The following CHML variants were observed in gnomAD, a reference collection of about 807,000 sequenced individuals.
CHML encodes CHM like Rab escort protein, also known as rab proteins geranylgeranyltransferase component A 2.
Under a neutral mutation model 30.4 loss-of-function variants are expected in CHML, and 20 were observed. That is an observed-to-expected ratio of 0.66 (90% CI 0.46 to 0.95). The LOEUF (loss-of-function observed/expected upper bound fraction) is 0.95, where lower values mean the gene tolerates loss of function less well. CHML is among the 40% of genes least tolerant of loss of function. The probability of loss-of-function intolerance (pLI) is 0.00; values close to 1 mark genes in which losing one functional copy is unlikely to be tolerated. For synonymous variants in CHML, 281 were observed against 275.0 expected (o/e 1.02, Z -0.22); for missense variants, 795 against 768.5 (o/e 1.03, Z -0.41).
Position 241,635,693 on chromosome 1 carries a change from G to C in CHML, c.74C>G (p.Ala25Gly). 1 of 1,613,996 alleles carries C rather than the reference G, an allele frequency of 6.2e-7. No homozygotes were observed. Among genetic ancestry groups the C allele is most frequent in the African/African-American group, 1.3e-5 (1 of 75,030 alleles). Residue 25 changes from alanine to glycine, a missense_variant, in exon 2 of 2, where the codon GCT becomes GGT. Ala to Gly is a moderately conservative substitution (Grantham distance 60, BLOSUM62 0). Coordinates refer to ENST00000366553, the MANE Select transcript of CHML (RefSeq NM_001381853.1). ...CCTCTGACCACTTCTTGAACATGCA[G>C]CTGCAAGGATGGATTCGGGCAAACC... ...GTGLPESILA[A>G]ACSRSGQRVL...
chr1:241,637,495 C>A (rs1664943030), intron 1 of CHML, among the ~76,000 whole-genome samples: 1 of 152,210 alleles, frequency 6.6e-6, no homozygotes, highest in Admixed American at 6.5e-5. Context: ...CTTCTTCCAG[C>A]AGGGTGTGAA....
At position 241,640,222 on chromosome 1, in the gene CHML, G is replaced by A; in HGVS notation, c.-648C>T. 7.5e-7 allele frequency: 1 copy of A among 1,330,506 alleles called. No individual in the cohort carries two copies. Among genetic ancestry groups the A allele is most frequent in the Non-Finnish European group, 9.5e-7 (1 of 1,047,948 alleles). The allele number at this position is 1,330,506 out of a possible 1,614,324, so 82.4% of individuals were successfully genotyped here. ...CCGCGGCCCCGCCGCCGTCCCAGTA[G>A]CCGTGGCCGCCGCTGCGGTTCCCCG... On this transcript the variant is annotated 5_prime_UTR_variant, in exon 1 of 2. Coordinates refer to ENST00000366553, the MANE Select transcript of CHML (RefSeq NM_001381853.1).
chr1:241,640,262 C>G lies in CHML; in HGVS notation c.-688G>C, dbSNP rs1358719434. On this transcript the variant is annotated 5_prime_UTR_variant, in exon 1 of 2. Coordinates refer to ENST00000366553, the MANE Select transcript of CHML (RefSeq NM_001381853.1). ...GCGGTTCCCCGAGTACATGGCCCGG[C>G]GCCGGCGCGCCTGGCGGGCGGAGGC... 11 of 1,196,998 alleles carry G rather than the reference C, an allele frequency of 9.2e-6. No homozygotes were observed. Among genetic ancestry groups the G allele is most frequent in the Non-Finnish European group, 2.1e-6 (2 of 967,708 alleles). The allele number at this position is 1,196,998 out of a possible 1,614,324, so 74.1% of individuals were successfully genotyped here. A position where few individuals can be genotyped will look rare whatever the true frequency, so the allele number is the denominator to read the frequency against.
rs1438868573 is a variant in CHML, at chr1:241,631,761, C to T, written c.*2035G>A. ...TCTAAAATATGTTTGTTTAGTTCATCTTATCTTCACATTTCTCTGATTCAA... is the reference window on the plus strand; with the variant it reads ...TCTAAAATATGTTTGTTTAGTTCATTTTATCTTCACATTTCTCTGATTCAA... On this transcript the variant is annotated 3_prime_UTR_variant, in exon 2 of 2. Coordinates refer to ENST00000366553, the MANE Select transcript of CHML (RefSeq NM_001381853.1). 6.6e-6 allele frequency: 1 copy of T among 152,102 alleles called. No individual in the cohort carries two copies. The highest frequency in any genetic ancestry group is 1.5e-5 in the Non-Finnish European group (1 of 67,982). 9.4% of individuals were successfully genotyped at this position (152,102 alleles called of 1,614,324 possible). A position where few individuals can be genotyped will look rare whatever the true frequency, so the allele number is the denominator to read the frequency against.
rs778999435 is a variant in CHML at position 241,634,294 on chromosome 1, G to A, written c.1473C>T (p.Val491=). The A allele has an allele frequency of 6.2e-7, 1 of 1,613,902 alleles. No homozygotes were observed. The highest frequency in any genetic ancestry group is 8.5e-7 in the Non-Finnish European group (1 of 1,179,904). The change falls in exon 2 of 2, where the codon GTC becomes GTT. Residue 491 remains valine, a synonymous_variant. Coordinates refer to ENST00000366553, the MANE Select transcript of CHML (RefSeq NM_001381853.1). ...PAEPGACAVR[V]TELCSSTMTC... ...TCATGGTTGAAGAACATAATTCTGT[G>A]ACCCGTACAGCACAAGCTCCTGGCT...
chr1:241,638,206 G>A (rs1408110767), intron 1 of CHML, among the ~76,000 whole-genome samples: 2 of 152,062 alleles, frequency 1.3e-5, no homozygotes, highest in Admixed American at 6.6e-5. Context: ...GCAGCCCTCA[G>A]GCAAAAATCT....
Position 241,634,929 on chromosome 1 carries a change from T to G in CHML, c.838A>C (p.Arg280=). ...TCCTTGCTATTAAAGACATCTGCTC[T>G]GGAACAAGGAACTTGTTCTACCTTT... is the stretch of plus-strand genomic sequence containing the variant. ...EGKVEQVPCS[R]ADVFNSKELT... is the part of the protein sequence containing the mutation. The change falls in exon 2 of 2, where the codon AGA becomes CGA. Residue 280 remains arginine, a synonymous_variant. Transcript: ENST00000366553. 2 of 1,612,870 alleles carry G rather than the reference T, an allele frequency of 1.2e-6. No homozygotes were observed. The highest frequency in any genetic ancestry group is 1.7e-6 in the Non-Finnish European group (2 of 1,179,606).
rs1664595048 is a variant in CHML, at chr1:241,630,635, A to T, written c.*3161T>A. 6.6e-6 allele frequency: 1 copy of T among 152,058 alleles called. No homozygotes were observed. Among genetic ancestry groups the T allele is most frequent in the Non-Finnish European group, 1.5e-5 (1 of 67,932 alleles). The allele number at this position is 152,058 out of a possible 1,614,324, so 9.4% of individuals were successfully genotyped here. ...TGCAATGACAGGTCTCTTTAACCAT[A>T]TATAAAAATAGTGCCAACACTGTTT... On this transcript the variant is annotated 3_prime_UTR_variant, in exon 2 of 2. Coordinates refer to ENST00000366553, the MANE Select transcript of CHML (RefSeq NM_001381853.1).
In CHML at chr1:241,635,663, A is replaced by C; in HGVS notation, c.104T>G (p.Leu35Arg). ...ATAGTAGCTTCTTGAATCAATATGC[A>C]GAACCCTCTGACCACTTCTTGAACA... ...AACSRSGQRV[L>R]HIDSRSYYGG... The change falls in exon 2 of 2, where the codon CTG (leucine) becomes CGG (arginine). Residue 35 changes from leucine (L) to arginine (R), a missense_variant. Physicochemically the swap from Leu to Arg is moderately radical, Grantham distance 102. Coordinates refer to ENST00000366553, the MANE Select transcript of CHML (RefSeq NM_001381853.1). 1.2e-6 allele frequency: 2 copies of C among 1,614,094 alleles called. No individual in the cohort carries two copies. Among genetic ancestry groups the C allele is most frequent in the Non-Finnish European group, 1.7e-6 (2 of 1,179,930 alleles).
chr1:241,640,009 G>A lies in CHML; in HGVS notation c.-435C>T, dbSNP rs373057102. The A allele has an allele frequency of 1.4e-5, 22 of 1,613,364 alleles. No individual in the cohort carries two copies. In the African/African-American group the frequency reaches 2.8e-4, roughly 21 times the overall value. ...ACACCAGCAGGTCGCTGAGGCTGAT[G>A]TTGACCAGGAGGAGGTGAGTGGGAG... On this transcript the variant is annotated 5_prime_UTR_variant, in exon 1 of 2. Transcript: ENST00000366553.
At position 241,630,638 on chromosome 1, in the gene CHML, T is replaced by TA. The variant is rs989833338; in HGVS notation, c.*3157dup. 1 of 152,058 alleles carries TA rather than the reference T, an allele frequency of 6.6e-6. No individual in the cohort carries two copies. Among genetic ancestry groups the TA allele is most frequent in the African/African-American group, 2.4e-5 (1 of 41,440 alleles). The allele number at this position is 152,058 out of a possible 1,614,324, so 9.4% of individuals were successfully genotyped here. On this transcript the variant is annotated 3_prime_UTR_variant, in exon 2 of 2. Coordinates refer to ENST00000366553, the MANE Select transcript of CHML (RefSeq NM_001381853.1). ...AATGACAGGTCTCTTTAACCATATA[T>TA]AAAAATAGTGCCAACACTGTTTACT...
chr1:241,638,230 A>C (rs1228000947), intron 1 of CHML, among the ~76,000 whole-genome samples: 5 of 152,196 alleles, frequency 3.3e-5, no homozygotes, highest in African/African-American at 1.2e-4. Flanking sequence ...TGAACTTAGA[A>C]AATCACTGGG....
At chr1:241,637,614 A>C (rs1188288584) in intron 1 of CHML, among the ~76,000 whole-genome samples, 1 of 152,188 alleles carries the variant, frequency 6.6e-6, no homozygotes, top group Non-Finnish European at 1.5e-5. Flanking sequence ...AGAAGACACA[A>C]TCAATAAGCG....
rs1213679198 is a variant in CHML, at chr1:241,634,708, T to C, written c.1059A>G (p.Thr353=). ...IAMTSESSCT[T]IDGLNATKNF... is the part of the protein sequence containing the mutation. The stretch of plus-strand genomic sequence containing the variant: ...TTTTAGTTGCGTTAAGACCATCTAT[T>C]GTAGTGCAAGATGATTCTGATGTCA... The change falls in exon 2 of 2, where the codon ACA becomes ACG. Residue 353 remains threonine, a synonymous_variant. Coordinates refer to ENST00000366553, the MANE Select transcript of CHML (RefSeq NM_001381853.1). The C allele has an allele frequency of 1.2e-6, 2 of 1,614,008 alleles. No individual in the cohort carries two copies.
Position 241,634,900 on chromosome 1 carries a change from G to T in CHML, c.867C>A (p.Leu289=). ...TTAGCATCCTCTTTTCAACCATGGT[G>T]AGTTCCTTGCTATTAAAGACATCTG... ...SRADVFNSKE[L]TMVEKRMLMK... is the part of the protein sequence containing the mutation. Residue 289 remains leucine, a synonymous_variant, in exon 2 of 2, where the codon CTC becomes CTA. Transcript: ENST00000366553. 6.2e-7 allele frequency: 1 copy of T among 1,611,116 alleles called. No homozygotes were observed. The highest frequency in any genetic ancestry group is 1.1e-5 in the South Asian group (1 of 90,454).
intron 1 of CHML, among the ~76,000 whole-genome samples, chr1:241,637,965 G>A (rs1019330827): frequency 2.1e-4 from 32 of 152,198 alleles, no homozygotes; most frequent in Admixed American, 1.9e-3. Context: ...AACTCAGGAA[G>A]TGCCCTCCTT....
Position 241,634,862 on chromosome 1 carries a change from G to T in CHML, c.905C>A (p.Thr302Lys), listed in dbSNP as rs771644188. The T allele has an allele frequency of 6.2e-7, 1 of 1,609,812 alleles. No homozygotes were observed. Among genetic ancestry groups the T allele is most frequent in the South Asian group, 1.1e-5 (1 of 90,288 alleles). The change falls in exon 2 of 2, where the codon ACA becomes AAA. Residue 302 changes from threonine to lysine, a missense_variant. Thr to Lys is a moderately conservative substitution (Grantham distance 78, BLOSUM62 -1). Coordinates refer to ENST00000366553, the MANE Select transcript of CHML (RefSeq NM_001381853.1). Reference sequence around the variant, plus strand: ...ATGTTGTTCATACTCTAAACAAAATGTGAGAAATTTCATTAGCATCCTCTT... The same window carrying T: ...ATGTTGTTCATACTCTAAACAAAATTTGAGAAATTTCATTAGCATCCTCTT... ...VEKRMLMKFL[T>K]FCLEYEQHPD...
intron 1 of CHML, 127 bp downstream of exon 1, chr1:241,639,755 G>C: frequency 1.0e-6 from 1 of 986,116 alleles, no homozygotes; most frequent in Non-Finnish European, 1.4e-6. Context: ...GGCGGTGTAG[G>C]GCGGGGGGCG....
rs139683233 is a variant in CHML, at chr1:241,632,004, A to C, written c.*1792T>G. Reference sequence around the variant, plus strand: ...TAATAATTCTCTTATTTCTTCTTTGAAGGTGATATGGTTTGGCTGTGTTCC... The same window carrying C: ...TAATAATTCTCTTATTTCTTCTTTGCAGGTGATATGGTTTGGCTGTGTTCC... On this transcript the variant is annotated 3_prime_UTR_variant, in exon 2 of 2. Coordinates refer to ENST00000366553, the MANE Select transcript of CHML (RefSeq NM_001381853.1). The C allele has an allele frequency of 2.4e-4, 37 of 152,218 alleles. No homozygotes were observed. Among genetic ancestry groups the C allele is most frequent in the African/African-American group, 7.9e-4 (33 of 41,548 alleles). The allele number at this position is 152,218 out of a possible 1,614,324, so 9.4% of individuals were successfully genotyped here. A position where few individuals can be genotyped will look rare whatever the true frequency, so the allele number is the denominator to read the frequency against.
Sources: allele counts gnomAD v4.1 joint callset (sites outside exome capture counted in the v4.1 genomes callset), GRCh38; gene constraint gnomAD v4.1.1; transcripts MANE v1.5; gene names NCBI Gene and HGNC (gene_info 2026-07-23, HGNC 2026-07-21).